The following MINDY3 variants were observed in gnomAD, a reference collection of about 807,000 sequenced individuals.
MINDY3 encodes the protein MINDY lysine 48 deubiquitinase 3.
MINDY3 carries 38 observed loss-of-function variants against 69.2 expected under a neutral mutation model. That is an observed-to-expected ratio of 0.55 (90% CI 0.42 to 0.72). The LOEUF (loss-of-function observed/expected upper bound fraction) is 0.72, where lower values mean the gene tolerates loss of function less well. MINDY3 is among the 30% of genes least tolerant of loss of function. MINDY3 has a pLI of 0.00. For synonymous variants in MINDY3, 192 were observed against 180.1 expected, an observed-to-expected ratio of 1.07 and a Z score of -0.53; for missense variants, 522 against 519.0, an observed-to-expected ratio of 1.01 and a Z score of -0.06.
intron 1 of MINDY3, among the ~76,000 whole-genome samples, chr10:15,855,862 T>G (rs1471247959): frequency 1.3e-5 from 2 of 152,118 alleles, no homozygotes; most frequent in Admixed American, 6.5e-5. Flanking sequence ...GGTAAGATTT[T>G]CATAAGCTGT....
At chr10:15,831,927 C>T (rs374797227) in intron 8 of MINDY3, among the ~76,000 whole-genome samples, 2 of 152,098 alleles carry the variant, frequency 1.3e-5, no homozygotes, top group South Asian at 2.1e-4. Flanking sequence ...CCATCCACCT[C>T]GGCCTCCCAA....
intron 4 of MINDY3, among the ~76,000 whole-genome samples, chr10:15,841,132 T>C (rs920889964): frequency 6.6e-6 from 1 of 151,562 alleles, no homozygotes; most frequent in South Asian, 2.1e-4. Context: ...AAGCATATCA[T>C]TATTTCTAAA....
At chr10:15,803,455 T>C (rs1340684259) in intron 10 of MINDY3, among the ~76,000 whole-genome samples, 1 of 152,090 alleles carries the variant, frequency 6.6e-6, no homozygotes, top group Non-Finnish European at 1.5e-5. Flanking sequence ...TTCAGAGGTA[T>C]AACTGCCGTA....
At chr10:15,817,548 A>G (rs1404672083) in intron 9 of MINDY3, 1 of 152,186 alleles carries the variant, frequency 6.6e-6, no homozygotes, top group Non-Finnish European at 1.5e-5. Flanking sequence ...ACTATACCAA[A>G]AACTTGAGAA....
intron 1 of MINDY3, chr10:15,857,967 A>T: frequency 1.0e-6 from 1 of 984,634 alleles, no homozygotes; most frequent in South Asian, 4.7e-5. Context: ...ACGATCACAG[A>T]CTATGAAATA....
At chr10:15,783,192 T>A (rs944554629) in intron 13 of MINDY3, among the ~76,000 whole-genome samples, 1 of 152,162 alleles carries the variant, frequency 6.6e-6, no homozygotes, top group Admixed American at 6.5e-5. Context: ...CCCAGTGCTG[T>A]TCAAGGACTC....
chr10:15,794,124 C>T (rs1396063228), intron 11 of MINDY3, among the ~76,000 whole-genome samples: 1 of 152,072 alleles, frequency 6.6e-6, no homozygotes, highest in Non-Finnish European at 1.5e-5. Context: ...TGGGTACCTT[C>T]AGTGTCCTTC....
chr10:15,837,473 CT>C, intron 5 of MINDY3, 155 bp from the exon 6 acceptor site: 1 of 1,385,498 alleles, frequency 7.2e-7, no homozygotes, highest in East Asian at 2.6e-5. Flanking sequence ...AATTTAGCCA[CT>C]AAAACCAAAA....
intron 10 of MINDY3, among the ~76,000 whole-genome samples, chr10:15,804,620 T>G (rs1207939567): frequency 6.6e-6 from 1 of 152,166 alleles, no homozygotes; most frequent in Non-Finnish European, 1.5e-5. Context: ...TATTATAGTG[T>G]TTAAAGTCCC....
In MINDY3 at chr10:15,853,085, C is replaced by T. The variant is rs542075380; in HGVS notation, c.95-5142G>A. Among the ~76,000 whole-genome samples, 6 of 152,142 alleles carry T rather than the reference C, an allele frequency of 3.9e-5. No homozygotes were observed. The East Asian group carries it at 1.2e-3, about 29-fold the overall frequency. On this transcript the variant is annotated intron_variant, in intron 1 of 14. Coordinates refer to ENST00000277632, the MANE Select transcript of MINDY3 (RefSeq NM_024948.4). ...ATCCTTGAACCCACTACCCCTCGAA[C>T]ACCAACAGACAACTATATTTAAGTT...
chr10:15,810,374 T>C lies in MINDY3; in HGVS notation c.882+6461A>G, dbSNP rs865868567. Among the ~76,000 whole-genome samples the C allele has an allele frequency of 3.3e-5, 5 of 152,194 alleles. 1 individual carries two copies. Among genetic ancestry groups the C allele is most frequent in the Admixed American group, 2.6e-4 (4 of 15,278 alleles). ...AAATCATGAAAGTAAATTTTGAACA[T>C]GTTACAGCATATAGGTAGTTTCACA... On this transcript the variant is annotated intron_variant, in intron 10 of 14. Transcript: ENST00000277632.
rs114954861 is a variant in MINDY3, at chr10:15,843,390, C to A, written c.175-118G>T. The A allele has an allele frequency of 6.6e-4, 530 of 804,062 alleles. 3 individuals carry two copies. In the African/African-American group the frequency reaches 8.5e-3, roughly 13 times the overall value. 49.8% of individuals were successfully genotyped at this position (804,062 alleles called of 1,614,324 possible). ...TCCCTTTCTAATCTTTTGACTAGTT[C>A]TGTAAAGATGTCAAATGGGTTCCCC... On this transcript the variant is annotated intron_variant, in intron 2 of 14. Coordinates refer to ENST00000277632, the MANE Select transcript of MINDY3 (RefSeq NM_024948.4).
At chr10:15,805,901 G>A (rs1278305077) in intron 10 of MINDY3, among the ~76,000 whole-genome samples, 1 of 152,158 alleles carries the variant, frequency 6.6e-6, no homozygotes, top group African/African-American at 2.4e-5. Context: ...GTGTGTTGGG[G>A]AGAGAGGTAT....
At chr10:15,821,396 T>G (rs1394297833) in intron 9 of MINDY3, among the ~76,000 whole-genome samples, 1 of 152,194 alleles carries the variant, frequency 6.6e-6, no homozygotes, top group Non-Finnish European at 1.5e-5. Flanking sequence ...GTCTGTGGCT[T>G]TTTTGAATTA....
chr10:15,854,663 T>C (rs921368346), intron 1 of MINDY3, among the ~76,000 whole-genome samples: 4 of 152,016 alleles, frequency 2.6e-5, no homozygotes, highest in African/African-American at 9.7e-5. Flanking sequence ...AGGAAAGTGT[T>C]AATTCCAAAA....
chr10:15,785,341 T>C (rs555855377), intron 13 of MINDY3, among the ~76,000 whole-genome samples: 1 of 152,218 alleles, frequency 6.6e-6, no homozygotes, highest in South Asian at 2.1e-4. Flanking sequence ...TCTTTTTACC[T>C]AAAAAATTAC....
At chr10:15,856,010 G>C (rs1264801397) in intron 1 of MINDY3, among the ~76,000 whole-genome samples, 1 of 151,990 alleles carries the variant, frequency 6.6e-6, no homozygotes, top group African/African-American at 2.4e-5. Flanking sequence ...AATATTGGTT[G>C]TTAGGCAAAT....
At chr10:15,841,979 C>CT (rs892174415) in intron 3 of MINDY3, among the ~76,000 whole-genome samples, 2 of 151,710 alleles carry the variant, frequency 1.3e-5, no homozygotes, top group Admixed American at 6.6e-5. Context: ...GTTGAAACCT[C>CT]TATTTTTTTT....
In MINDY3 at chr10:15,796,057, A is replaced by C. The variant is rs532688679; in HGVS notation, c.955+43T>G. On this transcript the variant is annotated intron_variant, in intron 11 of 14. Transcript: ENST00000277632. ...AGGTCGCTATCAATGTATTTCAAAC[A>C]TATGAAGACATAAAACACAGAGATG... 53 of 1,396,824 alleles carry C rather than the reference A, an allele frequency of 3.8e-5. No individual in the cohort carries two copies. The South Asian group carries it at 6.1e-4, about 16-fold the overall frequency. The allele number at this position is 1,396,824 out of a possible 1,614,324, so 86.5% of individuals were successfully genotyped here. A position where few individuals can be genotyped will look rare whatever the true frequency, so the allele number is the denominator to read the frequency against.
Sources: allele counts gnomAD v4.1 joint callset (sites outside exome capture counted in the v4.1 genomes callset), GRCh38; gene constraint gnomAD v4.1.1; transcripts MANE v1.5; gene names NCBI Gene and HGNC (gene_info 2026-07-23, HGNC 2026-07-21).